GAB2: variants seen among roughly 807,000 people sequenced by gnomAD.
GAB2 encodes GRB2 associated binding protein 2.
GAB2 carries 26 observed loss-of-function variants against 65.5 expected under a neutral mutation model. The ratio of observed to expected loss-of-function variants is 0.40; its 90% CI spans 0.29 to 0.55. GAB2 has a LOEUF of 0.55. Ranked by LOEUF, GAB2 falls within the 20% of genes least tolerant of loss-of-function variation. GAB2 has a pLI of 0.53. For synonymous variants in GAB2, 321 were observed against 329.6 expected (o/e 0.97, Z 0.28); for missense variants, 884 against 875.8 (o/e 1.01, Z -0.12).
At position 78,222,160 on chromosome 11, in the gene GAB2, C is replaced by T. The variant is rs559388025; in HGVS notation, c.1603G>A (p.Val535Ile). The T allele has an allele frequency of 2.5e-5, 40 of 1,613,950 alleles. No homozygotes were observed. Among genetic ancestry groups the T allele is most frequent in the South Asian group, 2.0e-4 (18 of 91,088 alleles). ...GACTTGAAGGGGAGTTCATCGATGA[C>T]GGTGTTGTTCCTCAGGTCAAGTGGT... Reference protein sequence around the residue: ...PTPLDLRNNTVIDELPFKSPI... With the variant: ...PTPLDLRNNTIIDELPFKSPI... The change falls in exon 7 of 10, where the codon GTC (valine) becomes ATC (isoleucine). Residue 535 changes from valine to isoleucine, a missense_variant. Transcript: ENST00000361507.
intron 1 of GAB2, among the ~76,000 whole-genome samples, chr11:78,350,421 C>A (rs1412929583): frequency 1.3e-5 from 2 of 152,192 alleles, no homozygotes; most frequent in East Asian, 1.9e-4. Flanking sequence ...AAAGGCCCAG[C>A]GTTTCTAACC....
chr11:78,323,997 C>T (rs1041804502), intron 1 of GAB2, among the ~76,000 whole-genome samples: 3 of 151,878 alleles, frequency 2.0e-5, no homozygotes, highest in Non-Finnish European at 4.4e-5. Flanking sequence ...GGGGTTTTGC[C>T]ATGTGGGCCA....
intron 1 of GAB2, among the ~76,000 whole-genome samples, chr11:78,307,707 T>G (rs1855399585): frequency 6.6e-6 from 1 of 152,110 alleles, no homozygotes; most frequent in African/African-American, 2.4e-5. Context: ...TTATAACTAA[T>G]TGAATCTGCA....
chr11:78,367,119 A>G (rs928833464), intron 1 of GAB2, among the ~76,000 whole-genome samples: 16 of 152,298 alleles, frequency 1.1e-4, no homozygotes, highest in African/African-American at 3.6e-4. Flanking sequence ...CATAGCTCAA[A>G]TATCTGGAGG....
chr11:78,370,249 T>G (rs534161843), intron 1 of GAB2, among the ~76,000 whole-genome samples: 4 of 85,226 alleles, frequency 4.7e-5, no homozygotes, highest in African/African-American at 1.9e-4. Flanking sequence ...AGAGCGAGAC[T>G]CCGTCTCAAA....
chr11:78,365,781 C>A (rs1449167701), intron 1 of GAB2, among the ~76,000 whole-genome samples: 1 of 152,134 alleles, frequency 6.6e-6, no homozygotes, highest in Non-Finnish European at 1.5e-5. Context: ...AAGCCTTCAT[C>A]CAAAAATAAC....
intron 3 of GAB2, among the ~76,000 whole-genome samples, chr11:78,245,407 A>C (rs1368080272): frequency 6.6e-6 from 1 of 152,232 alleles, no homozygotes; most frequent in Non-Finnish European, 1.5e-5. Flanking sequence ...GAAACAATGA[A>C]GGTCAGAAGA....
chr11:78,230,612 G>A (rs1233986845), intron 3 of GAB2, among the ~76,000 whole-genome samples: 2 of 152,240 alleles, frequency 1.3e-5, no homozygotes, highest in African/African-American at 4.8e-5. Context: ...AAGGCAGAGG[G>A]CCATATCCTG....
rs145947568 is a variant in GAB2 at position 78,240,821 on chromosome 11, T to C, written c.620+9336A>G. Among the ~76,000 whole-genome samples, 1,066 of 152,258 alleles carry C rather than the reference T, an allele frequency of 7.0e-3. 6 individuals are homozygous for C. The highest frequency in any genetic ancestry group is 0.027 in the Middle Eastern group (8 of 294). ...ACAGCTGGCCCCTGACCTGAGCTGA[T>C]AGAGGGTTCAACAGAGTCATATCAT... is the stretch of plus-strand genomic sequence containing the variant. On this transcript the variant is annotated intron_variant, in intron 3 of 9. Transcript: ENST00000361507.
chr11:78,223,214 T>C (rs935186579), intron 6 of GAB2, among the ~76,000 whole-genome samples, 198 bp downstream of exon 6: 1 of 152,172 alleles, frequency 6.6e-6, no homozygotes, highest in Non-Finnish European at 1.5e-5. Flanking sequence ...AGTACTATCC[T>C]AGATGCTCTC....
rs927561785 is a variant in GAB2 at position 78,365,035 on chromosome 11, T to C, written c.75+52611A>G. On this transcript the variant is annotated intron_variant, in intron 1 of 9. Transcript: ENST00000361507. ...GGGGAACAGGTGTTATTTGGTTACA[T>C]GAATAAGATCTTTAGTGGTGACTTC... Among the ~76,000 whole-genome samples, 7 of 152,318 alleles carry C rather than the reference T, an allele frequency of 4.6e-5. No homozygotes were observed. In the East Asian group the frequency reaches 7.7e-4, roughly 17 times the overall value.
At chr11:78,280,059 T>C (rs1414554052) in intron 2 of GAB2, among the ~76,000 whole-genome samples, 11 of 152,200 alleles carry the variant, frequency 7.2e-5, no homozygotes, top group Admixed American at 7.2e-4. Context: ...TTGTGAAGAT[T>C]ATAAAAACCC....
chr11:78,398,579 T>C (rs1313764034), intron 1 of GAB2, among the ~76,000 whole-genome samples: 2 of 152,154 alleles, frequency 1.3e-5, no homozygotes, highest in African/African-American at 4.8e-5. Context: ...TTTTTCATAA[T>C]TAAAAATTGG....
In GAB2 at chr11:78,400,190, T is replaced by G. The variant is rs971867016; in HGVS notation, c.75+17456A>C. Among the ~76,000 whole-genome samples the G allele has an allele frequency of 6.6e-5, 10 of 152,196 alleles. No homozygotes were observed. The East Asian group carries it at 1.9e-3, about 29-fold the overall frequency. The stretch of plus-strand genomic sequence containing the variant: ...GGAATTTTACTGGCCCCACACCCCA[T>G]GTGCACCACCTCTTTCTCATTTTGA... On this transcript the variant is annotated intron_variant, in intron 1 of 9. Transcript: ENST00000361507.
chr11:78,331,586 AG>A lies in GAB2; in HGVS notation c.76-50686del, dbSNP rs1855915175. 8.5e-5 allele frequency among the ~76,000 whole-genome samples: 13 copies of A among 152,300 alleles called. No individual in the cohort carries two copies. The South Asian group carries it at 2.5e-3, about 29-fold the overall frequency. On this transcript the variant is annotated intron_variant, in intron 1 of 9. Coordinates refer to ENST00000361507, the MANE Select transcript of GAB2 (RefSeq NM_080491.3). ...TAAGGGATAACAAATCCAGAATTTC[AG>A]TTCTCCAAAAGATATAATGTGTTTA...
intron 1 of GAB2, among the ~76,000 whole-genome samples, chr11:78,312,061 G>C (rs1006223659): frequency 1.3e-5 from 2 of 151,962 alleles, no homozygotes; most frequent in African/African-American, 4.8e-5. Context: ...CTTGAAAACA[G>C]CCCTTTTTCT....
At chr11:78,359,318 A>T (rs544096062) in intron 1 of GAB2, among the ~76,000 whole-genome samples, 5 of 152,310 alleles carry the variant, frequency 3.3e-5, no homozygotes, top group African/African-American at 1.2e-4. Context: ...AAAGACAAAA[A>T]AGAAGACATT....
intron 1 of GAB2, among the ~76,000 whole-genome samples, chr11:78,320,900 G>A (rs1052468567): frequency 1.3e-5 from 2 of 152,046 alleles, no homozygotes; most frequent in African/African-American, 4.8e-5. Context: ...GTCCCAGTAA[G>A]AAATTATGGC....
At chr11:78,384,814 G>A (rs773532608) in intron 1 of GAB2, among the ~76,000 whole-genome samples, 2 of 152,220 alleles carry the variant, frequency 1.3e-5, no homozygotes, top group Non-Finnish European at 2.9e-5. Flanking sequence ...TGAAAGAGCT[G>A]TGCATGTTCA....
Sources: allele counts gnomAD v4.1 joint callset (sites outside exome capture counted in the v4.1 genomes callset), GRCh38; gene constraint gnomAD v4.1.1; transcripts MANE v1.5; gene names NCBI Gene and HGNC (gene_info 2026-07-23, HGNC 2026-07-21).